ALG8: variants seen among roughly 807,000 people sequenced by gnomAD.
The protein encoded by ALG8 is ALG8 alpha-1,3-glucosyltransferase, also known as dolichyl pyrophosphate Glc1Man9GlcNAc2 alpha-1,3-glucosyltransferase.
Under a neutral mutation model 70.2 loss-of-function variants are expected in ALG8, and 48 were observed. The ratio of observed to expected loss-of-function variants is 0.68; its 90% CI spans 0.54 to 0.87. The LOEUF (loss-of-function observed/expected upper bound fraction) is 0.87. Ranked by LOEUF, ALG8 falls within the 40% of genes least tolerant of loss-of-function variation. The pLI, the probability that ALG8 is intolerant of heterozygous loss-of-function variation, is 0.00. For synonymous variants in ALG8, 234 were observed against 229.0 expected, an observed-to-expected ratio of 1.02 and a Z score of -0.20; for missense variants, 572 against 608.7, an observed-to-expected ratio of 0.94 and a Z score of 0.64.
intron 2 of ALG8, 82 bp downstream of exon 2, chr11:78,127,276 C>T: frequency 7.5e-7 from 1 of 1,325,112 alleles, no homozygotes; most frequent in South Asian, 1.3e-5. Flanking sequence ...CGCACCCAGC[C>T]AGAAAACATT....
At chr11:78,122,863 G>C (rs1860883718) in intron 3 of ALG8, among the ~76,000 whole-genome samples, 1 of 82,384 alleles carries the variant, frequency 1.2e-5, no homozygotes, top group South Asian at 3.6e-4. Flanking sequence ...AATGCGCAAG[G>C]GTTAAAGACA....
intron 7 of ALG8, among the ~76,000 whole-genome samples, chr11:78,113,237 G>GT (rs1264534523): frequency 1.3e-5 from 2 of 152,168 alleles, no homozygotes; most frequent in Non-Finnish European, 2.9e-5. Context: ...TGCTGTCCAT[G>GT]TAAGACTGCA....
Position 78,114,340 on chromosome 11 carries a change from T to C in ALG8, c.599A>G (p.His200Arg), listed in dbSNP as rs776497184. The change falls in exon 6 of 13, where the codon CAT becomes CGT. Residue 200 changes from histidine (H) to arginine (R), a missense_variant. Physicochemically the swap from His to Arg is conservative, Grantham distance 29. Coordinates refer to ENST00000299626, the MANE Select transcript of ALG8 (RefSeq NM_024079.5). The part of the protein sequence containing the change: ...FLFAVLLHFK[H>R]IYLYVAPAYG... ...AGCTGGTGCTACATAGAGGTAGATA[T>C]GCTTGAAATGTAGGAGAACAGCAAA... The C allele has an allele frequency of 1.9e-6, 3 of 1,613,988 alleles. No individual in the cohort carries two copies. Among genetic ancestry groups the C allele is most frequent in the South Asian group, 1.1e-5 (1 of 91,086 alleles).
At chr11:78,101,934 T>C (rs1019736672) in intron 12 of ALG8, among the ~76,000 whole-genome samples, 2 of 152,190 alleles carry the variant, frequency 1.3e-5, no homozygotes, top group African/African-American at 2.4e-5. Flanking sequence ...CTCCACCTCC[T>C]GGGTTCAAGC....
At chr11:78,123,892 T>C in intron 3 of ALG8, 129 bp downstream of exon 3, 1 of 1,053,240 alleles carries the variant, frequency 9.5e-7, no homozygotes, top group Non-Finnish European at 1.4e-6. Flanking sequence ...CACAATACAA[T>C]TTTTCATTGT....
chr11:78,124,428 C>T, intron 2 of ALG8, among the ~76,000 whole-genome samples: 1 of 152,146 alleles, frequency 6.6e-6, no homozygotes, highest in Non-Finnish European at 1.5e-5. Context: ...CATGGTAAAA[C>T]CCTGTCTCTA....
chr11:78,128,341 T>G (rs1049370270), intron 1 of ALG8, among the ~76,000 whole-genome samples: 8 of 152,160 alleles, frequency 5.3e-5, no homozygotes, highest in Non-Finnish European at 1.0e-4. Flanking sequence ...GAATATCCAC[T>G]CACCAAAGTG....
chr11:78,131,183 G>A (rs1464165577), intron 1 of ALG8, among the ~76,000 whole-genome samples: 3 of 151,982 alleles, frequency 2.0e-5, no homozygotes, highest in Non-Finnish European at 2.9e-5. Flanking sequence ...GGGATTACAG[G>A]CGTGAGCCAC....
At chr11:78,138,134 T>C (rs1861624157) in intron 1 of ALG8, among the ~76,000 whole-genome samples, 2 of 151,844 alleles carry the variant, frequency 1.3e-5, no homozygotes, top group African/African-American at 2.4e-5. Flanking sequence ...TCACTTGAGG[T>C]CAGGAGATTT....
intron 1 of ALG8, among the ~76,000 whole-genome samples, chr11:78,136,240 C>T (rs1861544201): frequency 6.6e-6 from 1 of 151,302 alleles, no homozygotes; most frequent in Admixed American, 6.6e-5. Flanking sequence ...TTTGGAAGGG[C>T]TCACTTGAGC....
At chr11:78,105,335 G>C (rs1859970597) in intron 10 of ALG8, among the ~76,000 whole-genome samples, 1 of 152,040 alleles carries the variant, frequency 6.6e-6, no homozygotes, top group African/African-American at 2.4e-5. Flanking sequence ...TTATCTATTG[G>C]GTTTCAACTA....
At chr11:78,109,029 C>T (rs1269360425) in intron 9 of ALG8, among the ~76,000 whole-genome samples, 1 of 152,192 alleles carries the variant, frequency 6.6e-6, no homozygotes, top group Non-Finnish European at 1.5e-5. Context: ...CTCATTATCA[C>T]CATCAAGACA....
intron 1 of ALG8, among the ~76,000 whole-genome samples, chr11:78,128,074 T>G (rs1861153223): frequency 6.6e-6 from 1 of 152,174 alleles, no homozygotes; most frequent in East Asian, 1.9e-4. Context: ...TCACAAACAA[T>G]TCTAACAAAA....
intron 5 of ALG8, among the ~76,000 whole-genome samples, chr11:78,118,386 C>A (rs1348560802): frequency 6.6e-6 from 1 of 152,008 alleles, no homozygotes; most frequent in East Asian, 1.9e-4. Flanking sequence ...GAGGCTGAGG[C>A]GGGCGGAACA....
At chr11:78,122,857 C>G (rs113858884) in intron 3 of ALG8, among the ~76,000 whole-genome samples, 1 of 87,420 alleles carries the variant, frequency 1.1e-5, no homozygotes, top group Admixed American at 9.0e-5. Context: ...AATGAGAATG[C>G]GCAAGGGTTA....
At chr11:78,115,940 A>T (rs1860542678) in intron 5 of ALG8, among the ~76,000 whole-genome samples, 1 of 152,244 alleles carries the variant, frequency 6.6e-6, no homozygotes, top group Non-Finnish European at 1.5e-5. Context: ...CTATGCTACC[A>T]AAAAAATCAA....
chr11:78,132,167 T>C (rs1197231826), intron 1 of ALG8, among the ~76,000 whole-genome samples: 3 of 152,214 alleles, frequency 2.0e-5, no homozygotes, highest in South Asian at 2.1e-4. Context: ...GTAGCCAGTA[T>C]GCAGCAGAGC....
At chr11:78,120,425 T>A (rs492065) in intron 4 of ALG8, among the ~76,000 whole-genome samples, 130,233 of 152,140 alleles carry the variant, frequency 0.86, 56,085 homozygotes, top group African/African-American at 0.93. Context: ...ATTTAGAATT[T>A]TCCTCTTTAG....
chr11:78,129,983 T>C (rs959537859), intron 1 of ALG8, among the ~76,000 whole-genome samples: 79 of 152,190 alleles, frequency 5.2e-4, no homozygotes, highest in African/African-American at 1.9e-3. Flanking sequence ...ATTACATTTG[T>C]ATAAAATTCA....
Sources: allele counts gnomAD v4.1 joint callset (sites outside exome capture counted in the v4.1 genomes callset), GRCh38; gene constraint gnomAD v4.1.1; transcripts MANE v1.5; gene names NCBI Gene and HGNC (gene_info 2026-07-23, HGNC 2026-07-21).